Variants in PTPRM observed in about 807,000 individuals in gnomAD.
PTPRM encodes the protein protein tyrosine phosphatase receptor type M.
PTPRM carries 47 observed loss-of-function variants against 186.7 expected under a neutral mutation model. That is an observed-to-expected ratio of 0.25 (90% confidence interval 0.20 to 0.32). PTPRM has a LOEUF of 0.32. Among genes scored for constraint, PTPRM ranks in the 10% least tolerant of loss-of-function variants. The pLI, the probability that PTPRM is intolerant of heterozygous loss-of-function variation, is 1.00. For missense variants in PTPRM, 1,494 were observed against 1,865.0 expected, an observed-to-expected ratio of 0.80 and a Z score of 3.66; for synonymous variants, 668 against 674.9, an observed-to-expected ratio of 0.99 and a Z score of 0.16.
At chr18:7,845,699 A>G (rs2046559671) in intron 2 of PTPRM, among the ~76,000 whole-genome samples, 2 of 151,900 alleles carry the variant, frequency 1.3e-5, no homozygotes, top group Non-Finnish European at 1.5e-5. Context: ...TTCGTATTTC[A>G]ATGGAGGAAA....
chr18:7,797,739 A>C (rs1285172572), intron 2 of PTPRM, among the ~76,000 whole-genome samples: 3 of 151,846 alleles, frequency 2.0e-5, no homozygotes, highest in African/African-American at 7.3e-5. Flanking sequence ...TCGAGTTCCT[A>C]GAAGATTGTC....
intron 14 of PTPRM, among the ~76,000 whole-genome samples, chr18:8,224,905 G>A (rs768662781): frequency 6.6e-6 from 1 of 152,164 alleles, no homozygotes; most frequent in African/African-American, 2.4e-5. Flanking sequence ...TTTTTCATAA[G>A]TAGTGTTCTG....
chr18:8,311,953 A>G (rs2095271781), intron 20 of PTPRM, among the ~76,000 whole-genome samples: 1 of 152,188 alleles, frequency 6.6e-6, no homozygotes, highest in Non-Finnish European at 1.5e-5. Context: ...TCAAGCACAA[A>G]ATAGACAGGA....
chr18:8,165,406 G>A (rs1401491862), intron 14 of PTPRM, among the ~76,000 whole-genome samples: 8 of 152,130 alleles, frequency 5.3e-5, no homozygotes, highest in Non-Finnish European at 8.8e-5. Flanking sequence ...TATTTATGTT[G>A]TTGGTACATG....
At chr18:7,894,152 C>T (rs980520287) in intron 3 of PTPRM, among the ~76,000 whole-genome samples, 1 of 152,198 alleles carries the variant, frequency 6.6e-6, no homozygotes, top group Non-Finnish European at 1.5e-5. Flanking sequence ...GTCTGATGCT[C>T]TCAGAAATAC....
At chr18:7,850,150 A>G (rs1228124747) in intron 2 of PTPRM, among the ~76,000 whole-genome samples, 1 of 152,228 alleles carries the variant, frequency 6.6e-6, no homozygotes, top group Admixed American at 6.5e-5. Context: ...GTCTTGAATA[A>G]GAACTTATAT....
chr18:7,726,473 GCT>G (rs1198539524), intron 1 of PTPRM, among the ~76,000 whole-genome samples: 1 of 152,060 alleles, frequency 6.6e-6, no homozygotes, highest in Non-Finnish European at 1.5e-5. Flanking sequence ...AATTTTTTAA[GCT>G]CTCATAGAAG....
At chr18:7,977,873 T>G (rs1487605569) in intron 7 of PTPRM, among the ~76,000 whole-genome samples, 1 of 152,226 alleles carries the variant, frequency 6.6e-6, no homozygotes, top group Non-Finnish European at 1.5e-5. Context: ...ACTCGTAGGC[T>G]TGAAACTTGA....
chr18:7,721,154 T>TG (rs2040438860), intron 1 of PTPRM, among the ~76,000 whole-genome samples: 1 of 150,290 alleles, frequency 6.7e-6, no homozygotes, highest in Admixed American at 6.6e-5. Context: ...TTTTTTTTTT[T>TG]GATATTAGCT....
chr18:7,679,750 TA>T (rs1236739250), intron 1 of PTPRM, among the ~76,000 whole-genome samples: 27 of 152,308 alleles, frequency 1.8e-4, no homozygotes, highest in African/African-American at 6.3e-4. Flanking sequence ...GTCATAGTTT[TA>T]TGGTGGGTTA....
chr18:7,726,239 A>T (rs2040547265), intron 1 of PTPRM, among the ~76,000 whole-genome samples: 1 of 151,882 alleles, frequency 6.6e-6, no homozygotes, highest in African/African-American at 2.4e-5. Flanking sequence ...TTCTCTAACG[A>T]CTAATGATGA....
intron 1 of PTPRM, among the ~76,000 whole-genome samples, chr18:7,573,636 C>T: frequency 6.6e-6 from 1 of 152,122 alleles, no homozygotes; most frequent in East Asian, 1.9e-4. Flanking sequence ...GTCCCCCAGG[C>T]TAGAGTGCAA....
chr18:7,753,889 G>A (rs2041343882), intron 1 of PTPRM, among the ~76,000 whole-genome samples: 2 of 151,468 alleles, frequency 1.3e-5, no homozygotes, highest in African/African-American at 4.9e-5. Context: ...TTTGGGACCT[G>A]CTACACTGTT....
At chr18:7,895,406 A>G (rs2049302169) in intron 3 of PTPRM, among the ~76,000 whole-genome samples, 1 of 152,348 alleles carries the variant, frequency 6.6e-6, no homozygotes, top group Admixed American at 6.5e-5. Context: ...GTTAAATGAA[A>G]AAGGGTTCCA....
At chr18:7,671,184 G>A (rs1302560756) in intron 1 of PTPRM, among the ~76,000 whole-genome samples, 2 of 152,044 alleles carry the variant, frequency 1.3e-5, no homozygotes, top group Admixed American at 6.5e-5. Flanking sequence ...CCCCACCCCC[G>A]ATTCAGAGAG....
chr18:7,588,480 G>A (rs1027767138), intron 1 of PTPRM, among the ~76,000 whole-genome samples: 1 of 152,044 alleles, frequency 6.6e-6, no homozygotes, highest in African/African-American at 2.4e-5. Flanking sequence ...AATGCACACC[G>A]AATCTAACTA....
At chr18:7,652,758 TG>T (rs1473832887) in intron 1 of PTPRM, among the ~76,000 whole-genome samples, 7 of 63,304 alleles carry the variant, frequency 1.1e-4, no homozygotes, top group Non-Finnish European at 1.7e-4. Context: ...TGTTGTGGGG[TG>T]GGGGGAGGGG....
intron 1 of PTPRM, among the ~76,000 whole-genome samples, chr18:7,760,489 G>A (rs920395549): frequency 6.6e-6 from 1 of 152,222 alleles, no homozygotes; most frequent in Non-Finnish European, 1.5e-5. Flanking sequence ...GGCCTGCGCT[G>A]GGTTCGCCCT....
At chr18:7,626,352 T>G (rs1266893053) in intron 1 of PTPRM, among the ~76,000 whole-genome samples, 1 of 152,206 alleles carries the variant, frequency 6.6e-6, no homozygotes, top group African/African-American at 2.4e-5. Flanking sequence ...TTTAGCAGAC[T>G]CCATAGAGTA....
Sources: allele counts gnomAD v4.1 joint callset (sites outside exome capture counted in the v4.1 genomes callset), GRCh38; gene constraint gnomAD v4.1.1; transcripts MANE v1.5; gene names NCBI Gene and HGNC (gene_info 2026-07-23, HGNC 2026-07-21).